Variants in SOCS5 observed in about 807,000 individuals in gnomAD.
The protein encoded by SOCS5 is CIS-6.
In SOCS5, 32 loss-of-function variants were observed where a neutral mutation model predicts 42.8. The observed-to-expected ratio is 0.75, with a 90% CI of 0.56 to 1.01. The LOEUF (loss-of-function observed/expected upper bound fraction) is 1.01, where lower values mean the gene tolerates loss of function less well. SOCS5 is among the 50% of genes least tolerant of loss of function. The pLI is 0.00. For synonymous variants in SOCS5, 283 were observed against 229.6 expected (o/e 1.23, Z -2.10); for missense variants, 627 against 653.0 (o/e 0.96, Z 0.43).
chr2:46,712,603 A>G (rs2103699387), intron 1 of SOCS5, among the ~76,000 whole-genome samples: 1 of 152,222 alleles, frequency 6.6e-6, no homozygotes, highest in African/African-American at 2.4e-5. Flanking sequence ...CGGCCTCCCA[A>G]AGTGCTGGGA....
intron 1 of SOCS5, among the ~76,000 whole-genome samples, chr2:46,716,560 C>G (rs1188143740): frequency 2.6e-5 from 4 of 151,960 alleles, no homozygotes; most frequent in African/African-American, 9.7e-5. Flanking sequence ...GCACTGCAGC[C>G]TTGAATTCCT....
chr2:46,729,874 A>T lies in SOCS5; in HGVS notation c.-12-28645A>T, dbSNP rs116203446. Among the ~76,000 whole-genome samples, 1,075 of 152,316 alleles carry T rather than the reference A, an allele frequency of 7.1e-3. 19 individuals are homozygous for T. Among genetic ancestry groups the T allele is most frequent in the African/African-American group, 0.025 (1,035 of 41,564 alleles). ...CTTTATAACTTTTTGCCTATTTTGT[A>T]GTAGTACTTGTTTTAAAACACAAAC... is the stretch of plus-strand genomic sequence containing the variant. On this transcript the variant is annotated intron_variant, in intron 1 of 1. Coordinates refer to ENST00000394861, the MANE Select transcript of SOCS5 (RefSeq NM_144949.3).
At chr2:46,725,021 T>C (rs1173048566) in intron 1 of SOCS5, among the ~76,000 whole-genome samples, 3 of 152,102 alleles carry the variant, frequency 2.0e-5, no homozygotes, top group Non-Finnish European at 4.4e-5. Flanking sequence ...CTGTCTGTTT[T>C]TGCTTCATAT....
Position 46,761,340 on chromosome 2 carries a change from C to A in SOCS5, c.*1199C>A, listed in dbSNP as rs1673864107. The A allele has an allele frequency of 6.0e-6, 1 of 167,110 alleles. No homozygotes were observed. The highest frequency in any genetic ancestry group is 1.5e-5 in the Non-Finnish European group (1 of 68,122). The allele number at this position is 167,110 out of a possible 1,614,324, so 10.4% of individuals were successfully genotyped here. ...TAGTAACTGAACTGAATTTACAGTT[C>A]TGTCCTAGACATTTTGCACTAAAGT... On this transcript the variant is annotated 3_prime_UTR_variant, in exon 2 of 2. Coordinates refer to ENST00000394861, the MANE Select transcript of SOCS5 (RefSeq NM_144949.3).
At chr2:46,700,133 G>A (rs1672308448) in intron 1 of SOCS5, among the ~76,000 whole-genome samples, 1 of 152,140 alleles carries the variant, frequency 6.6e-6, no homozygotes, top group African/African-American at 2.4e-5. Flanking sequence ...GATTTTTGTG[G>A]AGAGGGAATT....
In SOCS5 at chr2:46,720,027, A is replaced by G. The variant is rs1230548573; in HGVS notation, c.-13+20578A>G. ...TGGCCCACCTTTTCATTGTAGGGTT[A>G]TATCTGCTGAAAGGATGTGAGTGAT... is the stretch of plus-strand genomic sequence containing the variant. On this transcript the variant is annotated intron_variant, in intron 1 of 1. Coordinates refer to ENST00000394861, the MANE Select transcript of SOCS5 (RefSeq NM_144949.3). Among the ~76,000 whole-genome samples the G allele has an allele frequency of 2.6e-5, 4 of 152,320 alleles. No homozygotes were observed. In the South Asian group the frequency reaches 8.3e-4, roughly 32 times the overall value.
At chr2:46,711,997 G>T (rs1017431444) in intron 1 of SOCS5, among the ~76,000 whole-genome samples, 1 of 152,132 alleles carries the variant, frequency 6.6e-6, no homozygotes, top group African/African-American at 2.4e-5. Flanking sequence ...TTGAAATAAG[G>T]TAATAGAACT....
chr2:46,700,972 T>TA (rs1672330091), intron 1 of SOCS5, among the ~76,000 whole-genome samples: 1 of 152,242 alleles, frequency 6.6e-6, no homozygotes, highest in Non-Finnish European at 1.5e-5. Context: ...GGCCCTTTTA[T>TA]CCATCAGAGA....
At chr2:46,709,692 T>G (rs1232106907) in intron 1 of SOCS5, among the ~76,000 whole-genome samples, 1 of 152,178 alleles carries the variant, frequency 6.6e-6, no homozygotes, top group East Asian at 1.9e-4. Flanking sequence ...TTTGGGTAGT[T>G]AGATGATTCA....
chr2:46,743,949 G>A (rs748384666), intron 1 of SOCS5, among the ~76,000 whole-genome samples: 49 of 151,652 alleles, frequency 3.2e-4, no homozygotes, highest in Non-Finnish European at 7.1e-4. Context: ...GAATTTTTTT[G>A]TGTGGGTCTT....
At chr2:46,741,271 G>A (rs1225732983) in intron 1 of SOCS5, among the ~76,000 whole-genome samples, 2 of 152,012 alleles carry the variant, frequency 1.3e-5, no homozygotes, top group South Asian at 4.2e-4. Flanking sequence ...ACGGAGTCTC[G>A]CTCTACCACT....
intron 1 of SOCS5, among the ~76,000 whole-genome samples, chr2:46,753,476 G>C (rs1673668711): frequency 6.6e-6 from 1 of 152,130 alleles, no homozygotes; most frequent in Non-Finnish European, 1.5e-5. Flanking sequence ...CTAATTTTAA[G>C]AATATAACTA....
intron 1 of SOCS5, among the ~76,000 whole-genome samples, chr2:46,719,573 C>T (rs762392157): frequency 1.2e-4 from 18 of 152,254 alleles, no homozygotes; most frequent in Non-Finnish European, 1.9e-4. Context: ...AAAGAATGGA[C>T]GTCATAGTCT....
intron 1 of SOCS5, among the ~76,000 whole-genome samples, chr2:46,706,177 G>T (rs761926230): frequency 7.2e-5 from 11 of 152,198 alleles, no homozygotes; most frequent in Admixed American, 6.5e-5. Flanking sequence ...TATTATGACT[G>T]CTCTTTCATT....
chr2:46,717,305 C>G (rs980654593), intron 1 of SOCS5, among the ~76,000 whole-genome samples: 1 of 152,104 alleles, frequency 6.6e-6, no homozygotes, highest in African/African-American at 2.4e-5. Context: ...GGAGCAATCA[C>G]AGGGCTCCCC....
chr2:46,739,390 G>C (rs748646593), intron 1 of SOCS5, among the ~76,000 whole-genome samples: 23 of 152,178 alleles, frequency 1.5e-4, no homozygotes, highest in Non-Finnish European at 2.5e-4. Context: ...GTAGCACTTT[G>C]CGAGTGCCTC....
chr2:46,753,753 G>A (rs187699404), intron 1 of SOCS5, among the ~76,000 whole-genome samples: 58 of 152,216 alleles, frequency 3.8e-4, no homozygotes, highest in African/African-American at 1.1e-3. Context: ...TGAGTTTTCC[G>A]GGAAAGGGGT....
In SOCS5 at chr2:46,760,309, G is replaced by A; in HGVS notation, c.*168G>A. The A allele has an allele frequency of 1.6e-6, 1 of 607,978 alleles. No individual in the cohort carries two copies. The highest frequency in any genetic ancestry group is 2.8e-5 in the East Asian group (1 of 35,846). The allele number at this position is 607,978 out of a possible 1,614,324, so 37.7% of individuals were successfully genotyped here. On this transcript the variant is annotated 3_prime_UTR_variant, in exon 2 of 2. Coordinates refer to ENST00000394861, the MANE Select transcript of SOCS5 (RefSeq NM_144949.3). ...TGTTACTTATTCAGATAAACATGGT[G>A]CCTATTGGAACAATAGCGGATAGAG... is the stretch of plus-strand genomic sequence containing the variant.
intron 1 of SOCS5, among the ~76,000 whole-genome samples, chr2:46,732,976 G>T (rs1673158142): frequency 6.6e-6 from 1 of 152,010 alleles, no homozygotes; most frequent in Non-Finnish European, 1.5e-5. Flanking sequence ...TAAAAATCGT[G>T]TGGTGAATCA....
Sources: allele counts gnomAD v4.1 joint callset (sites outside exome capture counted in the v4.1 genomes callset), GRCh38; gene constraint gnomAD v4.1.1; transcripts MANE v1.5; gene names NCBI Gene and HGNC (gene_info 2026-07-23, HGNC 2026-07-21).